Variants in ST6GAL2 observed in about 807,000 individuals in gnomAD.
ST6GAL2 encodes the protein beta-galactoside alpha-2,6-sialyltransferase 2.
Under a neutral mutation model 37.5 loss-of-function variants are expected in ST6GAL2, and 24 were observed. That is an observed-to-expected ratio of 0.64 (90% CI 0.46 to 0.90). The LOEUF is 0.90. ST6GAL2 is among the 40% of genes least tolerant of loss of function. The pLI, the probability that ST6GAL2 is intolerant of heterozygous loss-of-function variation, is 0.00. For missense variants in ST6GAL2, 715 were observed against 712.7 expected (o/e 1.00, Z -0.04); for synonymous variants, 306 against 295.1 (o/e 1.04, Z -0.38).
At chr2:106,824,153 A>T (rs1676113820) in intron 5 of ST6GAL2, among the ~76,000 whole-genome samples, 2 of 152,218 alleles carry the variant, frequency 1.3e-5, no homozygotes, top group Non-Finnish European at 2.9e-5. Flanking sequence ...CTGGGTCCCC[A>T]CTTGATAGGA....
chr2:106,859,527 C>T (rs909011558), intron 1 of ST6GAL2, among the ~76,000 whole-genome samples: 4 of 152,140 alleles, frequency 2.6e-5, no homozygotes, highest in African/African-American at 9.7e-5. Context: ...TTCCCCATCC[C>T]GTAAATAGCA....
chr2:106,806,097 G>T lies in ST6GAL2; in HGVS notation c.*581C>A, dbSNP rs1308769062. ...GCACAGAAAGCAAAGCATTCAGTGG[G>T]CAATGGGAGGCAGAGATGAAGAATG... On this transcript the variant is annotated 3_prime_UTR_variant, in exon 6 of 6. Coordinates refer to ENST00000409382, the MANE Select transcript of ST6GAL2 (RefSeq NM_001142351.2). 2 of 152,718 alleles carry T rather than the reference G, an allele frequency of 1.3e-5. No homozygotes were observed. Among genetic ancestry groups the T allele is most frequent in the Admixed American group, 1.3e-4 (2 of 15,344 alleles). The allele number at this position is 152,718 out of a possible 1,614,324, so 9.5% of individuals were successfully genotyped here.
intron 1 of ST6GAL2, among the ~76,000 whole-genome samples, chr2:106,861,619 CTTTT>C (rs904512428): frequency 6.6e-6 from 1 of 151,274 alleles, no homozygotes; most frequent in African/African-American, 2.4e-5. Context: ...TTTATTCTTT[CTTTT>C]TTTTCTTTTT....
At chr2:106,849,806 G>A (rs1246126150) in intron 1 of ST6GAL2, among the ~76,000 whole-genome samples, 1 of 152,148 alleles carries the variant, frequency 6.6e-6, no homozygotes, top group Non-Finnish European at 1.5e-5. Context: ...TTGAGACAAA[G>A]CTTAACTCTT....
At chr2:106,820,780 T>C (rs1031889052) in intron 5 of ST6GAL2, among the ~76,000 whole-genome samples, 2 of 152,088 alleles carry the variant, frequency 1.3e-5, no homozygotes, top group African/African-American at 2.4e-5. Flanking sequence ...GTATCAAGTG[T>C]ATTCTCTGAC....
intron 1 of ST6GAL2, among the ~76,000 whole-genome samples, chr2:106,861,593 A>G (rs538613837): frequency 8.5e-5 from 13 of 152,132 alleles, no homozygotes; most frequent in Non-Finnish European, 5.9e-5. Flanking sequence ...TCATTACTAA[A>G]TAAAATAGAT....
In ST6GAL2 at chr2:106,830,015, A is replaced by C. The variant is rs759984809; in HGVS notation, c.1318+51T>G. ...CGACTGTATATTTGTTAAATATTAGATATCATCCTGTCTGCCCCCCAATCA... is the reference window on the plus strand; with the variant it reads ...CGACTGTATATTTGTTAAATATTAGCTATCATCCTGTCTGCCCCCCAATCA... On this transcript the variant is annotated intron_variant, in intron 5 of 5. Coordinates refer to ENST00000409382, the MANE Select transcript of ST6GAL2 (RefSeq NM_001142351.2). 9 of 1,511,480 alleles carry C rather than the reference A, an allele frequency of 6.0e-6. No homozygotes were observed. In the Admixed American group the frequency reaches 6.9e-5, roughly 12 times the overall value. 93.6% of individuals were successfully genotyped at this position (1,511,480 alleles called of 1,614,324 possible).
intron 5 of ST6GAL2, among the ~76,000 whole-genome samples, chr2:106,828,874 A>G (rs1048212925): frequency 1.3e-5 from 2 of 152,204 alleles, no homozygotes; most frequent in Non-Finnish European, 2.9e-5. Context: ...ATAAGCTAAA[A>G]CACAGATAAA....
chr2:106,807,292 T>G (rs1675447984), intron 5 of ST6GAL2, among the ~76,000 whole-genome samples: 1 of 152,204 alleles, frequency 6.6e-6, no homozygotes, highest in Admixed American at 6.5e-5. Flanking sequence ...CAGAGTTTCC[T>G]GTATCACATT....
chr2:106,856,277 C>T (rs953773176), intron 1 of ST6GAL2, among the ~76,000 whole-genome samples: 3 of 152,214 alleles, frequency 2.0e-5, no homozygotes, highest in African/African-American at 7.2e-5. Flanking sequence ...CTCCTCTTTC[C>T]ATGTTGAGGG....
intron 5 of ST6GAL2, among the ~76,000 whole-genome samples, chr2:106,816,794 T>A (rs1192348821): frequency 6.6e-6 from 1 of 152,000 alleles, no homozygotes; most frequent in East Asian, 1.9e-4. Flanking sequence ...CAGTACCTGG[T>A]TTTAATTTTC....
Position 106,857,496 on chromosome 2 carries a change from C to T in ST6GAL2, c.-57-13462G>A, listed in dbSNP as rs373138390. Among the ~76,000 whole-genome samples, 41 of 151,988 alleles carry T rather than the reference C, an allele frequency of 2.7e-4. No individual in the cohort carries two copies. In the South Asian group the frequency reaches 6.2e-3, roughly 23 times the overall value. On this transcript the variant is annotated intron_variant, in intron 1 of 5. Transcript: ENST00000409382. The stretch of plus-strand genomic sequence containing the variant: ...GCAGATGCCTGTAATCTCAGCTACT[C>T]GGGAGGCTGAGGCAGGAGAATTGCT...
intron 1 of ST6GAL2, among the ~76,000 whole-genome samples, chr2:106,849,758 C>T (rs1677284433): frequency 6.6e-6 from 1 of 152,210 alleles, no homozygotes; most frequent in African/African-American, 2.4e-5. Context: ...TCCACAACCC[C>T]TCTTAACTCA....
At chr2:106,839,858 C>T (rs1316776318) in intron 2 of ST6GAL2, among the ~76,000 whole-genome samples, 1 of 152,200 alleles carries the variant, frequency 6.6e-6, no homozygotes. Flanking sequence ...TCTTATAACT[C>T]TAGGAAAGAA....
At chr2:106,825,066 T>G (rs2104450649) in intron 5 of ST6GAL2, 1 of 152,374 alleles carries the variant, frequency 6.6e-6, no homozygotes, top group Admixed American at 6.5e-5. Flanking sequence ...TAATCTGGTT[T>G]ACAAAACTGT....
chr2:106,849,606 T>G (rs896092465), intron 1 of ST6GAL2, among the ~76,000 whole-genome samples: 1 of 152,198 alleles, frequency 6.6e-6, no homozygotes, highest in African/African-American at 2.4e-5. Flanking sequence ...AGCCTACCTT[T>G]CCCCTTCTAG....
intron 5 of ST6GAL2, among the ~76,000 whole-genome samples, chr2:106,828,749 T>C (rs1444637344): frequency 1.3e-5 from 2 of 152,212 alleles, no homozygotes; most frequent in Non-Finnish European, 2.9e-5. Context: ...ATTACAGTTC[T>C]TTAAAGACAA....
rs149839194 is a variant in ST6GAL2, at chr2:106,873,228, TA to T, written c.-58+12864del. On this transcript the variant is annotated intron_variant, in intron 1 of 5. Transcript: ENST00000409382. ...TGGCCATGCATCTGATACACACAGG[TA>T]GGGGACAGCACAGCAGCTTCCTGGG... Among the ~76,000 whole-genome samples the T allele has an allele frequency of 6.4e-3, 973 of 152,178 alleles. 9 individuals carry two copies. The highest frequency in any genetic ancestry group is 0.022 in the African/African-American group (915 of 41,502).
In ST6GAL2 at chr2:106,805,313, T is replaced by A. The variant is rs1675381843; in HGVS notation, c.*1365A>T. 1 of 152,216 alleles carries A rather than the reference T, an allele frequency of 6.6e-6. No homozygotes were observed. The highest frequency in any genetic ancestry group is 2.4e-5 in the African/African-American group (1 of 41,460). The allele number at this position is 152,216 out of a possible 1,614,324, so 9.4% of individuals were successfully genotyped here. A position where few individuals can be genotyped will look rare whatever the true frequency, so the allele number is the denominator to read the frequency against. ...ATGTTTTGGTTATACATTGAAATAATAGCATGTTTAATTAAGGTATTACAG... is the reference window on the plus strand; with the variant it reads ...ATGTTTTGGTTATACATTGAAATAAAAGCATGTTTAATTAAGGTATTACAG... On this transcript the variant is annotated 3_prime_UTR_variant, in exon 6 of 6. Coordinates refer to ENST00000409382, the MANE Select transcript of ST6GAL2 (RefSeq NM_001142351.2).
Sources: gnomAD v4.1 joint callset for allele counts (sites outside exome capture counted in the v4.1 genomes callset) on GRCh38, gnomAD v4.1.1 for gene constraint, MANE v1.5 for transcripts, NCBI Gene and HGNC (gene_info 2026-07-23, HGNC 2026-07-21) for gene names.